Variants in NBEA observed in about 807,000 individuals in gnomAD.
The protein encoded by NBEA is neurobeachin.
In NBEA, 44 loss-of-function variants were observed where a neutral mutation model predicts 343.4. The ratio of observed to expected loss-of-function variants is 0.13; its 90% CI spans 0.10 to 0.16. NBEA has a LOEUF of 0.16. Ranked by LOEUF, NBEA falls within the 10% of genes least tolerant of loss-of-function variation. The pLI is 1.00. For synonymous variants in NBEA, 1,175 were observed against 1,238.7 expected (o/e 0.95, Z 1.08); for missense variants, 2,555 against 3,631.3 (o/e 0.70, Z 7.62).
At chr13:35,325,554 A>G (rs1005794538) in intron 36 of NBEA, among the ~76,000 whole-genome samples, 1 of 152,100 alleles carries the variant, frequency 6.6e-6, no homozygotes, top group African/African-American at 2.4e-5. Context: ...CATAACAAGA[A>G]ATGAAATTAC....
intron 1 of NBEA, among the ~76,000 whole-genome samples, chr13:35,008,321 A>C (rs1260500450): frequency 6.6e-6 from 1 of 152,180 alleles, no homozygotes; most frequent in African/African-American, 2.4e-5. Flanking sequence ...AAATCTACGG[A>C]TGCTCTAATC....
chr13:35,456,103 A>G (rs914078161), intron 40 of NBEA, among the ~76,000 whole-genome samples: 1 of 152,032 alleles, frequency 6.6e-6, no homozygotes, highest in Non-Finnish European at 1.5e-5. Context: ...TAAGTTAAAA[A>G]CTATGATAAA....
intron 30 of NBEA, among the ~76,000 whole-genome samples, chr13:35,195,165 AAT>A (rs1456704220): frequency 6.6e-6 from 1 of 152,124 alleles, no homozygotes; most frequent in Non-Finnish European, 1.5e-5. Context: ...TAAGGAAACT[AAT>A]AGAGAAATAT....
At chr13:35,173,715 C>G in intron 27 of NBEA, 121 bp downstream of exon 27, 1 of 794,588 alleles carries the variant, frequency 1.3e-6, no homozygotes, top group South Asian at 4.8e-5. Context: ...TGTCATTAGG[C>G]AGCTCTAGGC....
intron 40 of NBEA, among the ~76,000 whole-genome samples, chr13:35,459,300 A>G (rs9600797): frequency 7.4e-4 from 112 of 152,282 alleles, no homozygotes; most frequent in African/African-American, 2.7e-3. Flanking sequence ...TCAAAACAAA[A>G]TCAGGTATCC....
chr13:35,647,327 T>A (rs2084284533), intron 51 of NBEA, among the ~76,000 whole-genome samples: 1 of 152,216 alleles, frequency 6.6e-6, no homozygotes, highest in Admixed American at 6.5e-5. Flanking sequence ...ACAAGTACTC[T>A]AATTTTAGAG....
intron 38 of NBEA, among the ~76,000 whole-genome samples, chr13:35,424,319 G>A (rs576711068): frequency 1.9e-4 from 29 of 152,128 alleles, no homozygotes; most frequent in African/African-American, 6.7e-4. Context: ...TTTGAGATAC[G>A]TCCCATCAAT....
chr13:35,290,551 A>T (rs41292203), intron 35 of NBEA, 101 bp downstream of exon 35: 33,446 of 763,252 alleles, frequency 0.044, 970 homozygotes, highest in Non-Finnish European at 0.053. Flanking sequence ...ATATATTTTT[A>T]AAATTTCCAT....
intron 28 of NBEA, among the ~76,000 whole-genome samples, chr13:35,181,371 G>A (rs912510295): frequency 2.6e-5 from 4 of 151,730 alleles, no homozygotes; most frequent in Non-Finnish European, 4.4e-5. Context: ...AGAGTAAGGT[G>A]GTATCACATT....
intron 11 of NBEA, among the ~76,000 whole-genome samples, chr13:35,107,221 C>G (rs1436989652): frequency 6.6e-6 from 1 of 151,684 alleles, no homozygotes; most frequent in Non-Finnish European, 1.5e-5. Context: ...CATTGATATT[C>G]CTTTAAATAT....
chr13:35,416,024 G>T lies in NBEA; in HGVS notation c.6180-16245G>T, dbSNP rs182537193. ...GTGAATGGGAGTTCACTCATGATTT[G>T]GCTCCCTGTTTGTTTGTTATTGGTG... On this transcript the variant is annotated intron_variant, in intron 38 of 58. Transcript: ENST00000379939. Among the ~76,000 whole-genome samples, 1,350 of 152,196 alleles carry T rather than the reference G, an allele frequency of 8.9e-3. 21 individuals are homozygous for T. Among genetic ancestry groups the T allele is most frequent in the Non-Finnish European group, 0.013 (851 of 68,004 alleles).
At chr13:35,285,989 C>A (rs2152815012) in intron 34 of NBEA, among the ~76,000 whole-genome samples, 1 of 152,170 alleles carries the variant, frequency 6.6e-6, no homozygotes, top group Non-Finnish European at 1.5e-5. Flanking sequence ...AATGACCTTC[C>A]TTTCTTTCTA....
intron 10 of NBEA, among the ~76,000 whole-genome samples, chr13:35,071,598 A>ATAG (rs772832490): frequency 1.5e-4 from 23 of 152,146 alleles, no homozygotes; most frequent in Non-Finnish European, 2.4e-4. Context: ...GGCAAGTTAT[A>ATAG]TAGATAAGCA....
intron 38 of NBEA, among the ~76,000 whole-genome samples, chr13:35,431,600 T>A (rs1356870513): frequency 6.6e-6 from 1 of 152,146 alleles, no homozygotes; most frequent in Non-Finnish European, 1.5e-5. Flanking sequence ...AGCTGTAGAA[T>A]CATCCAAGAA....
At chr13:34,973,486 A>G (rs974583285) in intron 1 of NBEA, among the ~76,000 whole-genome samples, 5 of 152,104 alleles carry the variant, frequency 3.3e-5, no homozygotes, top group African/African-American at 1.2e-4. Context: ...TTGGCCAGAG[A>G]ACATTCGCCA....
chr13:35,107,950 CATT>C (rs1459011015), intron 11 of NBEA, among the ~76,000 whole-genome samples: 1 of 151,992 alleles, frequency 6.6e-6, no homozygotes, highest in African/African-American at 2.4e-5. Context: ...CTAGTTTACA[CATT>C]GTTGTTAGTT....
At chr13:35,270,327 C>A (rs943801256) in intron 34 of NBEA, among the ~76,000 whole-genome samples, 1 of 152,144 alleles carries the variant, frequency 6.6e-6, no homozygotes, top group African/African-American at 2.4e-5. Flanking sequence ...CCAAAGAAGA[C>A]ATGATTTGTC....
chr13:35,039,048 G>A lies in NBEA; in HGVS notation c.295-1885G>A, dbSNP rs553375519. Among the ~76,000 whole-genome samples the A allele has an allele frequency of 1.8e-4, 28 of 152,286 alleles. No individual in the cohort carries two copies. The South Asian group carries it at 5.6e-3, about 30-fold the overall frequency. On this transcript the variant is annotated intron_variant, in intron 1 of 58. Coordinates refer to ENST00000379939, the MANE Select transcript of NBEA (RefSeq NM_001385012.1). ...TCAGGCACTCAGGTTTGGACTGCTG[G>A]TATCAGTGATTCCCCTCTGGCTAGG... is the stretch of plus-strand genomic sequence containing the variant.
chr13:35,133,852 G>A (rs189986188), intron 17 of NBEA, among the ~76,000 whole-genome samples: 4 of 152,144 alleles, frequency 2.6e-5, no homozygotes, highest in Admixed American at 2.0e-4. Context: ...AGTAGAGTGT[G>A]AAGAATGGGA....
Sources: allele counts gnomAD v4.1 joint callset (sites outside exome capture counted in the v4.1 genomes callset), GRCh38; gene constraint gnomAD v4.1.1; transcripts MANE v1.5; gene names NCBI Gene and HGNC (gene_info 2026-07-23, HGNC 2026-07-21).